The following PTCHD4 variants were observed in gnomAD, a reference collection of about 807,000 sequenced individuals.
PTCHD4 encodes patched domain-containing protein 4.
In PTCHD4, 33 loss-of-function variants were observed where a neutral mutation model predicts 58.1. The observed-to-expected ratio is 0.57, with a 90% CI of 0.43 to 0.76. PTCHD4 has a LOEUF of 0.76. Among genes scored for constraint, PTCHD4 ranks in the 30% least tolerant of loss-of-function variants. The pLI is 0.00. For synonymous variants in PTCHD4, 478 were observed against 409.6 expected, an observed-to-expected ratio of 1.17 and a Z score of -2.02; for missense variants, 1,058 against 1,027.1, an observed-to-expected ratio of 1.03 and a Z score of -0.41.
At chr6:47,910,757 A>G (rs1451512944) in intron 4 of PTCHD4, among the ~76,000 whole-genome samples, 1 of 152,106 alleles carries the variant, frequency 6.6e-6, no homozygotes, top group Non-Finnish European at 1.5e-5. Context: ...AGAGATAGCC[A>G]TATGATTTGA....
chr6:47,976,548 G>A (rs1357836992), intron 4 of PTCHD4, among the ~76,000 whole-genome samples: 2 of 151,838 alleles, frequency 1.3e-5, no homozygotes, highest in Non-Finnish European at 2.9e-5. Flanking sequence ...CAGTTACTTG[G>A]GTGGCTGAGG....
In PTCHD4 at chr6:47,868,494, T is replaced by A. The variant is rs1291552937; in HGVS notation, c.*9809A>T. On this transcript the variant is annotated 3_prime_UTR_variant, in exon 5 of 5. Transcript: ENST00000339488. The stretch of plus-strand genomic sequence containing the variant: ...CATTAGGTCATGAGCAGGCAACTGA[T>A]AAGCTGGAGAAGTCTTTTATATTTT... 6.6e-6 allele frequency among the ~76,000 whole-genome samples: 1 copy of A among 151,810 alleles called. No individual in the cohort carries two copies. Among genetic ancestry groups the A allele is most frequent in the South Asian group, 2.1e-4 (1 of 4,834 alleles).
chr6:48,083,960 C>G (rs1349079836), intron 1 of PTCHD4, among the ~76,000 whole-genome samples: 2 of 152,052 alleles, frequency 1.3e-5, no homozygotes, highest in Non-Finnish European at 2.9e-5. Context: ...TATACTCAGA[C>G]TTTTGAGCTA....
chr6:47,984,952 T>G (rs1337080666), intron 4 of PTCHD4, among the ~76,000 whole-genome samples: 1 of 152,152 alleles, frequency 6.6e-6, no homozygotes, highest in Non-Finnish European at 1.5e-5. Context: ...TTTTTCTGTG[T>G]GACTTTATAA....
chr6:47,958,357 G>A (rs1256951078), intron 4 of PTCHD4, among the ~76,000 whole-genome samples: 1 of 152,092 alleles, frequency 6.6e-6, no homozygotes, highest in East Asian at 1.9e-4. Flanking sequence ...TAAAAGACAA[G>A]ACCACACCTA....
At chr6:48,024,008 G>C (rs575896496) in intron 3 of PTCHD4, among the ~76,000 whole-genome samples, 1 of 152,064 alleles carries the variant, frequency 6.6e-6, no homozygotes, top group Non-Finnish European at 1.5e-5. Context: ...GAGCACTTAC[G>C]ACTGCTGTGA....
rs1763869070 is a variant in PTCHD4 at position 47,877,158 on chromosome 6, G to A, written c.*1145C>T. ...TAGATGGCATGTGATGAGTGGGTAT[G>A]GTCCATTTTATTCTATTTCACTCTA... On this transcript the variant is annotated 3_prime_UTR_variant, in exon 5 of 5. Transcript: ENST00000339488. 6.6e-6 allele frequency among the ~76,000 whole-genome samples: 1 copy of A among 151,956 alleles called. No homozygotes were observed. Among genetic ancestry groups the A allele is most frequent in the African/African-American group, 2.4e-5 (1 of 41,394 alleles).
chr6:47,886,191 A>G (rs1397701973), intron 4 of PTCHD4, among the ~76,000 whole-genome samples: 2 of 151,248 alleles, frequency 1.3e-5, no homozygotes, highest in Non-Finnish European at 2.9e-5. Context: ...TGCCATTTTA[A>G]TCCTACACTC....
At chr6:47,969,510 C>A (rs1331402229) in intron 4 of PTCHD4, among the ~76,000 whole-genome samples, 1 of 151,860 alleles carries the variant, frequency 6.6e-6, no homozygotes, top group Non-Finnish European at 1.5e-5. Context: ...TATATATGTT[C>A]CTATAGAAAG....
At chr6:48,011,670 T>G (rs139883678) in intron 3 of PTCHD4, among the ~76,000 whole-genome samples, 1 of 152,238 alleles carries the variant, frequency 6.6e-6, no homozygotes, top group Non-Finnish European at 1.5e-5. Context: ...TGAATGGTAT[T>G]GCCTAGGTTT....
Position 47,896,874 on chromosome 6 carries a change from A to C in PTCHD4, c.899-16938T>G, listed in dbSNP as rs139586983. On this transcript the variant is annotated intron_variant, in intron 4 of 4. Transcript: ENST00000339488. ...GTACAGAGTTCTTTTGGTAGACACG[A>C]CCAAAACCCAAATCGTCAGACTCTT... is the stretch of plus-strand genomic sequence containing the variant. 9.3e-4 allele frequency among the ~76,000 whole-genome samples: 141 copies of C among 152,246 alleles called. 2 individuals are homozygous for C. Among genetic ancestry groups the C allele is most frequent in the Middle Eastern group, 6.8e-3 (2 of 294 alleles).
chr6:48,058,020 A>G lies in PTCHD4; in HGVS notation c.417+10210T>C, dbSNP rs545580921. On this transcript the variant is annotated intron_variant, in intron 3 of 4. Coordinates refer to ENST00000339488, the MANE Select transcript of PTCHD4 (RefSeq NM_001384253.1). ...GAATGAAAATGAAAATATATTTGAA[A>G]AAAAGACTTTGGTTCTGAGCATTGG... Among the ~76,000 whole-genome samples, 3 of 152,376 alleles carry G rather than the reference A, an allele frequency of 2.0e-5. No homozygotes were observed. The East Asian group carries it at 5.8e-4, about 29-fold the overall frequency.
intron 4 of PTCHD4, among the ~76,000 whole-genome samples, chr6:47,945,327 C>T (rs985020828): frequency 6.6e-6 from 1 of 152,034 alleles, no homozygotes; most frequent in Non-Finnish European, 1.5e-5. Flanking sequence ...ATATTACTGG[C>T]ATGTATAACA....
At chr6:48,075,527 A>G (rs1166409452) in intron 1 of PTCHD4, among the ~76,000 whole-genome samples, 3 of 151,906 alleles carry the variant, frequency 2.0e-5, no homozygotes, top group African/African-American at 7.3e-5. Flanking sequence ...ATGTCAATAA[A>G]CCTTAGATTC....
At chr6:47,950,633 T>G (rs1766607214) in intron 4 of PTCHD4, among the ~76,000 whole-genome samples, 1 of 152,168 alleles carries the variant, frequency 6.6e-6, no homozygotes, top group South Asian at 2.1e-4. Context: ...TTGTGATGCT[T>G]ATTAGACATC....
intron 4 of PTCHD4, among the ~76,000 whole-genome samples, chr6:47,971,336 A>T (rs949560921): frequency 2.1e-5 from 2 of 93,894 alleles, no homozygotes; most frequent in African/African-American, 7.4e-5. Context: ...ATTGCTGAAT[A>T]AAAAAAAAAT....
At chr6:48,032,395 G>GCT (rs1328424177) in intron 3 of PTCHD4, among the ~76,000 whole-genome samples, 4 of 151,668 alleles carry the variant, frequency 2.6e-5, no homozygotes, top group African/African-American at 9.7e-5. Flanking sequence ...AAAATAGCTC[G>GCT]CTCTCTCTCT....
At chr6:47,994,534 T>C (rs939450232) in intron 4 of PTCHD4, among the ~76,000 whole-genome samples, 6 of 152,126 alleles carry the variant, frequency 3.9e-5, no homozygotes, top group Admixed American at 2.6e-4. Flanking sequence ...TCAGTGATTC[T>C]TAAATTTGGA....
Position 47,901,817 on chromosome 6 carries a change from C to T in PTCHD4, c.899-21881G>A, listed in dbSNP as rs913149313. On this transcript the variant is annotated intron_variant, in intron 4 of 4. Transcript: ENST00000339488. ...TTTTATTGTATCCTAGGAGTCTTCA[C>T]ATATAATCTTCCAAATGTGATATTT... 4.7e-6 allele frequency: 6 copies of T among 1,286,446 alleles called. No homozygotes were observed. In the African/African-American group the frequency reaches 6.1e-5, roughly 13 times the overall value. The allele number at this position is 1,286,446 out of a possible 1,614,324, so 79.7% of individuals were successfully genotyped here.
Sources: allele counts gnomAD v4.1 joint callset (sites outside exome capture counted in the v4.1 genomes callset), GRCh38; gene constraint gnomAD v4.1.1; transcripts MANE v1.5; gene names NCBI Gene and HGNC (gene_info 2026-07-23, HGNC 2026-07-21).